The following AGRN variants were observed in gnomAD, a reference collection of about 807,000 sequenced individuals.
The protein encoded by AGRN is agrin proteoglycan.
A neutral mutation model predicts 211.0 loss-of-function variants in AGRN; 106 were observed. That is an observed-to-expected ratio of 0.50 (90% CI 0.43 to 0.59). The LOEUF is 0.59. AGRN is among the 20% of genes least tolerant of loss of function. AGRN has a pLI of 0.00. For missense variants in AGRN, 3,040 were observed against 2,982.6 expected (o/e 1.02, Z -0.45); for synonymous variants, 1,525 against 1,332.5 (o/e 1.14, Z -3.15).
chr1:1,023,878 G>T (rs1466735105), intron 2 of AGRN, among the ~76,000 whole-genome samples: 2 of 152,192 alleles, frequency 1.3e-5, no homozygotes, highest in East Asian at 3.8e-4. Context: ...GGTGGGTGTG[G>T]CTTAGCCCAG....
chr1:1,049,159 CG>C (rs1645196705), intron 24 of AGRN, 76 bp from the exon 25 acceptor site: 1 of 237,552 alleles, frequency 4.2e-6, no homozygotes, highest in South Asian at 5.2e-5. Context: ...GGGGTGGGGA[CG>C]GGGGCGGGGC....
At chr1:1,042,250 T>C (rs1264487264) in intron 7 of AGRN, 88 bp downstream of exon 7, 5 of 1,447,988 alleles carry the variant, frequency 3.5e-6, no homozygotes, top group Non-Finnish European at 4.6e-6. Flanking sequence ...TCATCCATCA[T>C]GTTCCTCTTG....
rs1644364430 is a variant in AGRN, at chr1:1,020,218, C to T, written c.46C>T (p.Leu16Phe). 1 of 1,405,950 alleles carries T rather than the reference C, an allele frequency of 7.1e-7. No individual in the cohort carries two copies. Among genetic ancestry groups the T allele is most frequent in the Non-Finnish European group, 9.2e-7 (1 of 1,081,338 alleles). 87.1% of individuals were successfully genotyped at this position (1,405,950 alleles called of 1,614,324 possible). The part of the protein sequence containing the change: ...HPGPLRPLLP[L>F]LVVAACVLPG... Reference sequence around the variant, plus strand: ...GGGCCCGCTGCGGCCGCTGCTGCCGCTCCTTGTGGTGGCCGCGTGCGTCCT... The same window carrying T: ...GGGCCCGCTGCGGCCGCTGCTGCCGTTCCTTGTGGTGGCCGCGTGCGTCCT... Residue 16 changes from leucine (L) to phenylalanine (F), a missense_variant, in exon 1 of 36, where the codon CTC (leucine) becomes TTC (phenylalanine). Leu to Phe is a conservative substitution (Grantham distance 22). Transcript: ENST00000379370.
intron 33 of AGRN, chr1:1,053,030 C>T (rs1188464647): frequency 5.1e-6 from 1 of 196,332 alleles, no homozygotes; most frequent in Non-Finnish European, 1.1e-5. Flanking sequence ...TGTGTGTGAA[C>T]ATGGAGGGGT....
intron 33 of AGRN, chr1:1,052,548 T>TATA (rs1183211092): frequency 4.6e-6 from 1 of 218,400 alleles, no homozygotes; most frequent in African/African-American, 2.3e-5. Flanking sequence ...TCCATGTATG[T>TATA]GTGTGTATAT....
chr1:1,042,520 G>A (rs771960554), intron 7 of AGRN, among the ~76,000 whole-genome samples: 4 of 152,166 alleles, frequency 2.6e-5, no homozygotes, highest in Admixed American at 6.5e-5. Flanking sequence ...GGCAGCCGTC[G>A]GCCGTTTTGG....
Position 1,047,906 on chromosome 1 carries a change from G to C in AGRN, c.3751+11G>C. 2 of 1,599,682 alleles carry C rather than the reference G, an allele frequency of 1.3e-6. No individual in the cohort carries two copies. The highest frequency in any genetic ancestry group is 8.5e-7 in the Non-Finnish European group (1 of 1,174,486). Reference sequence around the variant, plus strand: ...GATTTATGGACTTTGGTGAGCGCCAGGCCACGAGCCACAGCTTACCTGCCC... The same window carrying C: ...GATTTATGGACTTTGGTGAGCGCCACGCCACGAGCCACAGCTTACCTGCCC... On this transcript the variant is annotated intron_variant, in intron 22 of 35. Coordinates refer to ENST00000379370, the MANE Select transcript of AGRN (RefSeq NM_198576.4).
intron 2 of AGRN, among the ~76,000 whole-genome samples, chr1:1,022,999 C>T (rs967868283): frequency 6.6e-6 from 1 of 152,212 alleles, no homozygotes; most frequent in African/African-American, 2.4e-5. Flanking sequence ...CCCTCCCTGA[C>T]CCCAGCCTGG....
intron 28 of AGRN, 40 bp from the exon 29 acceptor site, chr1:1,050,387 G>A (rs55637967): frequency 1.2e-6 from 2 of 1,612,804 alleles, no homozygotes; most frequent in African/African-American, 1.3e-5. Context: ...CTCCTGTGGG[G>A]AGGGGACAGC....
At chr1:1,042,189 C>G in intron 7 of AGRN, 27 bp downstream of exon 7, 1 of 1,578,826 alleles carries the variant, frequency 6.3e-7, no homozygotes, top group Non-Finnish European at 8.6e-7. Context: ...GGAGGCCAGG[C>G]GGGGTGGGCT....
chr1:1,047,564 CT>C lies in AGRN; in HGVS notation c.3517-8del. The C allele has an allele frequency of 6.2e-7, 1 of 1,612,908 alleles. No individual in the cohort carries two copies. Among genetic ancestry groups the C allele is most frequent in the Non-Finnish European group, 8.5e-7 (1 of 1,180,012 alleles). ...GGCCCCCCAAGTCCTTGCCTACTCC[CT>C]GCCACAGCTGGACGACCTCTTCCGG... is the stretch of plus-strand genomic sequence containing the variant. On this transcript the variant is annotated splice_polypyrimidine_tract_variant and splice_region_variant and intron_variant, in intron 20 of 35. Coordinates refer to ENST00000379370, the MANE Select transcript of AGRN (RefSeq NM_198576.4).
intron 2 of AGRN, among the ~76,000 whole-genome samples, chr1:1,030,160 TGCA>T (rs1470107675): frequency 1.2e-4 from 10 of 81,402 alleles, no homozygotes; most frequent in African/African-American, 5.3e-4. Flanking sequence ...TGTGTGTGTG[TGCA>T]GTGCATGGTG....
chr1:1,042,154 G>A lies in AGRN; in HGVS notation c.1376G>A (p.Gly459Asp). The change falls in exon 7 of 36, where the codon GGC (glycine) becomes GAC (aspartate). Residue 459 changes from glycine (G) to aspartate (D), a missense_variant. By Grantham distance (94) the Gly-to-Asp change is moderately conservative. Coordinates refer to ENST00000379370, the MANE Select transcript of AGRN (RefSeq NM_198576.4). ...QQRAIPSKHQ[G>D]PCDQAPSPCL... The stretch of plus-strand genomic sequence containing the variant: ...CGTGCCATCCCCAGCAAGCACCAGG[G>A]CCCGTGTGGTGAGCGCCCCGGGGTG... 6.3e-7 allele frequency: 1 copy of A among 1,595,612 alleles called. No homozygotes were observed. The highest frequency in any genetic ancestry group is 1.1e-5 in the South Asian group (1 of 90,776).
Position 1,049,030 on chromosome 1 carries a change from G to C in AGRN, c.4269G>C (p.Leu1423Phe). The change falls in exon 24 of 36, where the codon TTG becomes TTC. Residue 1423 changes from leucine to phenylalanine, a missense_variant. By Grantham distance (22) the Leu-to-Phe change is conservative. Around this residue, in one of 3 missense-constraint regions of AGRN, gnomAD observed 1,537 missense variants for 1,505.0 expected, o/e 1.02. Transcript: ENST00000379370. ...CCCGGGGCAAGGACTTCCTGGCATT[G>C]GCGCTGCTAGATGGCCGCGTGCAGC... ...GNARGKDFLA[L>F]ALLDGRVQLR... 1 of 1,573,066 alleles carries C rather than the reference G, an allele frequency of 6.4e-7. No individual in the cohort carries two copies. Among genetic ancestry groups the C allele is most frequent in the Non-Finnish European group, 8.6e-7 (1 of 1,161,700 alleles).
chr1:1,045,168 C>T lies in AGRN; in HGVS notation c.2262C>T (p.Thr754=). The T allele has an allele frequency of 6.2e-7, 1 of 1,612,246 alleles. No homozygotes were observed. Among genetic ancestry groups the T allele is most frequent in the Non-Finnish European group, 8.5e-7 (1 of 1,179,958 alleles). Residue 754 remains threonine (T), a synonymous_variant, in exon 13 of 36, where the codon ACC becomes ACT. Coordinates refer to ENST00000379370, the MANE Select transcript of AGRN (RefSeq NM_198576.4). ...CCGTACCCTTTCCTGCAGGCCCCAC[C>T]TTCGCCCCGCTGCCGCCTGTGGCCC... ...VAAQGACRGP[T]FAPLPPVAPL...
At chr1:1,040,557 G>C in intron 3 of AGRN, 108 bp from the exon 4 acceptor site, 1 of 1,328,920 alleles carries the variant, frequency 7.5e-7, no homozygotes, top group Non-Finnish European at 1.0e-6. Context: ...CCGATGCGGC[G>C]CGGGGGCGGG....
In AGRN at chr1:1,047,211, T is replaced by C. The variant is rs549755608; in HGVS notation, c.3389-116T>C. 14 of 1,489,872 alleles carry C rather than the reference T, an allele frequency of 9.4e-6. No homozygotes were observed. In the East Asian group the frequency reaches 3.2e-4, roughly 34 times the overall value. 92.3% of individuals were successfully genotyped at this position (1,489,872 alleles called of 1,614,324 possible). ...GGGGTCCCCACTAACCTCATGACCATCTGACTAACATCCACCTTCCCTTGC... is the reference window on the plus strand; with the variant it reads ...GGGGTCCCCACTAACCTCATGACCACCTGACTAACATCCACCTTCCCTTGC... On this transcript the variant is annotated intron_variant, in intron 19 of 35. Coordinates refer to ENST00000379370, the MANE Select transcript of AGRN (RefSeq NM_198576.4).
In AGRN at chr1:1,051,268, C is replaced by T. The variant is rs1319914811; in HGVS notation, c.5269C>T (p.Leu1757Phe). The T allele has an allele frequency of 5.1e-6, 8 of 1,581,220 alleles. No homozygotes were observed. Among genetic ancestry groups the T allele is most frequent in the Non-Finnish European group, 6.9e-6 (8 of 1,164,716 alleles). Residue 1757 changes from leucine to phenylalanine, a missense_variant, in exon 31 of 36, where the codon CTC becomes TTC. Physicochemically the swap from Leu to Phe is conservative, Grantham distance 22. Transcript: ENST00000379370. ...LGESPVPHTVLNLKEPLYVGG... is the reference protein window; with the variant it reads ...LGESPVPHTVFNLKEPLYVGG... Reference sequence around the variant, plus strand: ...GTCCCCGCAGGTTCCGCACACCGTCCTCAACCTGAAGGAGCCGCTCTACGT... The same window carrying T: ...GTCCCCGCAGGTTCCGCACACCGTCTTCAACCTGAAGGAGCCGCTCTACGT...
chr1:1,047,850 G>A lies in AGRN; in HGVS notation c.3706G>A (p.Gly1236Arg). ...CCAGGTGTCCAGGCGCCGGTCCTTGGGGGTGAGGCGGCCGCTGCAGGAGCA... is the reference window on the plus strand; with the variant it reads ...CCAGGTGTCCAGGCGCCGGTCCTTGAGGGTGAGGCGGCCGCTGCAGGAGCA... The part of the protein sequence containing the change: ...QIQVSRRRSL[G>R]VRRPLQEHVR... The change falls in exon 22 of 36, where the codon GGG becomes AGG. Residue 1236 changes from glycine (G) to arginine (R), a missense_variant. Physicochemically the swap from Gly to Arg is moderately radical, Grantham distance 125. This residue lies in a region of AGRN where 1,537 missense variants were observed against 1,505.0 expected (regional missense o/e 1.02). Transcript: ENST00000379370. The A allele has an allele frequency of 6.2e-7, 1 of 1,605,956 alleles. No individual in the cohort carries two copies. The highest frequency in any genetic ancestry group is 8.5e-7 in the Non-Finnish European group (1 of 1,177,080).
Sources: gnomAD v4.1 joint callset for allele counts (sites outside exome capture counted in the v4.1 genomes callset) on GRCh38, gnomAD v4.1.1 for gene constraint, gnomAD v4.1.1 regional missense constraint, MANE v1.5 for transcripts, NCBI Gene and HGNC (gene_info 2026-07-23, HGNC 2026-07-21) for gene names.